Variants in TENM2 observed in about 807,000 individuals in gnomAD.
TENM2 encodes teneurin-2.
In TENM2, 52 loss-of-function variants were observed where a neutral mutation model predicts 245.2. The ratio of observed to expected loss-of-function variants is 0.21; its 90% CI spans 0.17 to 0.27. The LOEUF (loss-of-function observed/expected upper bound fraction) is 0.27. Among genes scored for constraint, TENM2 ranks in the 10% least tolerant of loss-of-function variants. TENM2 has a pLI of 1.00. For missense variants in TENM2, 3,046 were observed against 3,666.8 expected (o/e 0.83, Z 4.37); for synonymous variants, 1,363 against 1,438.9 (o/e 0.95, Z 1.19).
the TENM2 span, among the ~76,000 whole-genome samples, chr5:167,093,182 C>A: frequency 6.6e-6 from 1 of 152,144 alleles, no homozygotes; most frequent in Non-Finnish European, 1.5e-5. Flanking sequence ...AAAAAGAATG[C>A]TCCAGTCAGT....
At chr5:167,616,840 T>A (rs1264512111) in intron 2 of TENM2, among the ~76,000 whole-genome samples, 1 of 152,170 alleles carries the variant, frequency 6.6e-6, no homozygotes, top group Non-Finnish European at 1.5e-5. Flanking sequence ...TTGTTTTTTT[T>A]AATTCACTTC....
intron 1 of TENM2, among the ~76,000 whole-genome samples, chr5:167,373,917 G>T (rs1055127052): frequency 3.9e-5 from 6 of 152,168 alleles, no homozygotes; most frequent in African/African-American, 1.2e-4. Flanking sequence ...ATGACAACGT[G>T]TTCAATAAAA....
intron 2 of TENM2, among the ~76,000 whole-genome samples, chr5:167,501,102 ACTTT>A (rs887815367): frequency 2.0e-5 from 3 of 152,240 alleles, no homozygotes. Flanking sequence ...TCACACAAAT[ACTTT>A]CTTTCTTGAA....
chr5:167,375,425 C>A lies in TENM2; in HGVS notation c.454C>A (p.Leu152Ile), dbSNP rs1459151548. 3.2e-6 allele frequency: 5 copies of A among 1,551,616 alleles called. No individual in the cohort carries two copies. The Admixed American group carries it at 7.8e-5, about 24-fold the overall frequency. Residue 152 changes from leucine (L) to isoleucine (I), a missense_variant, in exon 2 of 29, where the codon CTT (leucine) becomes ATT (isoleucine). By Grantham distance (5) the Leu-to-Ile change is conservative (BLOSUM62 2). Transcript: ENST00000518659. ...CCTGTCCAGTCGTGAAAACTCGGCC[C>A]TTACCCTGACTGACTCTGACAACGA...
intron 5 of TENM2, among the ~76,000 whole-genome samples, chr5:168,033,871 AC>A (rs1175351725): frequency 6.6e-6 from 1 of 151,814 alleles, no homozygotes; most frequent in African/African-American, 2.4e-5. Context: ...TACTAAAAAT[AC>A]AAAAATTAGC....
intron 2 of TENM2, among the ~76,000 whole-genome samples, chr5:167,840,950 C>T (rs1769453540): frequency 6.6e-6 from 1 of 152,084 alleles, no homozygotes; most frequent in Non-Finnish European, 1.5e-5. Context: ...CTTGCAACAT[C>T]ACTTTTTTTC....
chr5:167,588,157 G>C (rs576586735), intron 2 of TENM2, among the ~76,000 whole-genome samples: 9 of 152,302 alleles, frequency 5.9e-5, no homozygotes, highest in Non-Finnish European at 1.0e-4. Context: ...TGACATGAAC[G>C]TGCAACATAA....
At chr5:168,114,045 G>A (rs184945438) in intron 9 of TENM2, among the ~76,000 whole-genome samples, 37 of 152,318 alleles carry the variant, frequency 2.4e-4, no homozygotes, top group East Asian at 7.7e-4. Context: ...TTGTGTGTGC[G>A]TGTTTGAGAC....
chr5:167,747,377 T>C (rs185848289), intron 2 of TENM2, among the ~76,000 whole-genome samples: 265 of 152,286 alleles, frequency 1.7e-3, no homozygotes, highest in Non-Finnish European at 2.7e-3. Context: ...CTATCAAGGC[T>C]GGGTAACCTC....
intron 5 of TENM2, among the ~76,000 whole-genome samples, chr5:168,000,514 TGAG>T (rs886291312): frequency 2.0e-5 from 3 of 152,262 alleles, no homozygotes; most frequent in South Asian, 2.1e-4. Flanking sequence ...ATCAGAAAAA[TGAG>T]GAGAATTCCT....
intron 13 of TENM2, among the ~76,000 whole-genome samples, chr5:168,165,619 A>C (rs1381454152): frequency 1.7e-4 from 18 of 107,158 alleles, no homozygotes; most frequent in Admixed American, 2.5e-4. Context: ...AGGGTTGCCC[A>C]CCAGGCACAA....
intron 5 of TENM2, among the ~76,000 whole-genome samples, chr5:168,017,233 A>T (rs1321710687): frequency 6.6e-6 from 1 of 152,186 alleles, no homozygotes; most frequent in African/African-American, 2.4e-5. Context: ...ATCTGTTCAG[A>T]CCCAGGTTTG....
At chr5:167,148,841 A>G in the TENM2 span, among the ~76,000 whole-genome samples, 1 of 152,170 alleles carries the variant, frequency 6.6e-6, no homozygotes, top group African/African-American at 2.4e-5. Context: ...TGTGCTCAAT[A>G]TATGTGTGTG....
At chr5:167,348,079 T>C (rs994220947) in intron 1 of TENM2, among the ~76,000 whole-genome samples, 1 of 152,208 alleles carries the variant, frequency 6.6e-6, no homozygotes, top group Admixed American at 6.5e-5. Flanking sequence ...CTAGACGGCG[T>C]GTTGTTCGGG....
chr5:168,097,951 G>T, intron 8 of TENM2, 75 bp from the exon 11 acceptor site: 1 of 1,088,056 alleles, frequency 9.2e-7, no homozygotes, highest in Non-Finnish European at 1.4e-6. Context: ...TTTAAAAGTG[G>T]CAAGTTACTG....
Position 168,218,469 on chromosome 5 carries a change from C to T in TENM2, c.4578C>T (p.Val1526=), listed in dbSNP as rs1313180449. 1.2e-6 allele frequency: 2 copies of T among 1,614,026 alleles called. No individual in the cohort carries two copies. The highest frequency in any genetic ancestry group is 1.7e-6 in the Non-Finnish European group (2 of 1,179,892). The change falls in exon 23 of 29, where the codon GTC becomes GTT. Residue 1526 remains valine (V), a synonymous_variant. Transcript: ENST00000518659. This position sits in a 1 kb window ranked among gnomAD's most constrained non-coding sequence, Gnocchi z 5.2. Reference sequence around the variant, plus strand: ...CGGACTGCGACTGCAAAAACGATGTCAATTGCAACTGCTATTCAGGAGATG... The same window carrying T: ...CGGACTGCGACTGCAAAAACGATGTTAATTGCAACTGCTATTCAGGAGATG...
intron 3 of TENM2, among the ~76,000 whole-genome samples, chr5:167,944,658 C>T (rs1464824635): frequency 6.6e-6 from 1 of 152,118 alleles, no homozygotes; most frequent in Non-Finnish European, 1.5e-5. Context: ...TTAACATTTG[C>T]CAGAGGCTAT....
intron 1 of TENM2, among the ~76,000 whole-genome samples, chr5:167,316,972 C>T (rs1259971119): frequency 3.9e-5 from 6 of 152,146 alleles, no homozygotes. Context: ...CTGCACACCC[C>T]CTAATACCAA....
chr5:168,043,661 A>G (rs1419954645), intron 5 of TENM2, among the ~76,000 whole-genome samples: 1 of 152,190 alleles, frequency 6.6e-6, no homozygotes, highest in African/African-American at 2.4e-5. Context: ...GTAACAAACA[A>G]TCCCAAACTC....
Sources: gnomAD v4.1 joint callset for allele counts (sites outside exome capture counted in the v4.1 genomes callset) on GRCh38, gnomAD v4.1.1 for gene constraint, Gnocchi (gnomAD v3.1) non-coding constraint, MANE v1.5 for transcripts, NCBI Gene and HGNC (gene_info 2026-07-23, HGNC 2026-07-21) for gene names.